The following NELL1 variants were observed in gnomAD, a reference collection of about 807,000 sequenced individuals.
NELL1 encodes protein kinase C-binding protein NELL1.
A neutral mutation model predicts 107.4 loss-of-function variants in NELL1; 76 were observed. The observed-to-expected ratio is 0.71, with a 90% CI of 0.59 to 0.86. NELL1 has a LOEUF of 0.86. Ranked by LOEUF, NELL1 falls within the 40% of genes least tolerant of loss-of-function variation. The pLI is 0.00. For missense variants in NELL1, 1,024 were observed against 1,005.5 expected, an observed-to-expected ratio of 1.02 and a Z score of -0.25; for synonymous variants, 353 against 341.2, an observed-to-expected ratio of 1.03 and a Z score of -0.38.
chr11:21,084,870 T>C (rs1454015340), intron 12 of NELL1, among the ~76,000 whole-genome samples: 2 of 152,144 alleles, frequency 1.3e-5, no homozygotes, highest in Non-Finnish European at 2.9e-5. Flanking sequence ...AGTGTGATAA[T>C]GGTTAAGCGC....
chr11:21,248,716 G>A (rs575995507), intron 14 of NELL1, among the ~76,000 whole-genome samples: 33 of 152,224 alleles, frequency 2.2e-4, no homozygotes, highest in African/African-American at 7.0e-4. Flanking sequence ...GGACCCACCC[G>A]TGCTCGCTTT....
At chr11:21,447,424 C>G (rs1430412064) in intron 15 of NELL1, among the ~76,000 whole-genome samples, 1 of 152,138 alleles carries the variant, frequency 6.6e-6, no homozygotes, top group Non-Finnish European at 1.5e-5. Flanking sequence ...ACTCAAGGCC[C>G]ATAGCATGTA....
At chr11:20,784,924 G>T (rs1590291404) in intron 3 of NELL1, among the ~76,000 whole-genome samples, 1 of 152,302 alleles carries the variant, frequency 6.6e-6, no homozygotes, top group South Asian at 2.1e-4. Context: ...ATAGTAGATT[G>T]GTGTTACAAT....
At chr11:21,312,461 T>G (rs1298629855) in intron 14 of NELL1, among the ~76,000 whole-genome samples, 2 of 152,086 alleles carry the variant, frequency 1.3e-5, no homozygotes, top group Non-Finnish European at 2.9e-5. Context: ...TTTAATAACA[T>G]TGATTAGAAG....
At chr11:21,183,547 C>T (rs192289426) in intron 13 of NELL1, among the ~76,000 whole-genome samples, 1 of 151,918 alleles carries the variant, frequency 6.6e-6, no homozygotes, top group African/African-American at 2.4e-5. Flanking sequence ...TACTCCCCCT[C>T]CCCTGGTGAG....
At chr11:21,285,535 C>T (rs1194907616) in intron 14 of NELL1, among the ~76,000 whole-genome samples, 1 of 152,194 alleles carries the variant, frequency 6.6e-6, no homozygotes, top group African/African-American at 2.4e-5. Flanking sequence ...TTATTTATGA[C>T]CTTTACGTTA....
chr11:21,269,769 C>A (rs1175607419), intron 14 of NELL1, among the ~76,000 whole-genome samples: 1 of 151,950 alleles, frequency 6.6e-6, no homozygotes, highest in Non-Finnish European at 1.5e-5. Context: ...AAAGAATTAG[C>A]AAAATTAAAA....
intron 14 of NELL1, among the ~76,000 whole-genome samples, chr11:21,316,491 A>G (rs1318874754): frequency 6.6e-6 from 1 of 152,136 alleles, no homozygotes; most frequent in Admixed American, 6.6e-5. Flanking sequence ...TTAGTGTCAC[A>G]GTTATGGTGG....
At chr11:21,476,856 G>A (rs1854348557) in intron 15 of NELL1, among the ~76,000 whole-genome samples, 1 of 152,090 alleles carries the variant, frequency 6.6e-6, no homozygotes, top group African/African-American at 2.4e-5. Context: ...TGTCACAGCA[G>A]CAGGCAACAC....
rs1429456817 is a variant in NELL1, at chr11:20,680,629, A to G, written c.184+2569A>G. 3.3e-5 allele frequency among the ~76,000 whole-genome samples: 5 copies of G among 152,142 alleles called. No homozygotes were observed. The East Asian group carries it at 9.6e-4, about 29-fold the overall frequency. Reference sequence around the variant, plus strand: ...AGAAAGGAGTCACTGGTCCCAGACAATTGTGAAATTCAGCAGTGCAAACTC... The same window carrying G: ...AGAAAGGAGTCACTGGTCCCAGACAGTTGTGAAATTCAGCAGTGCAAACTC... On this transcript the variant is annotated intron_variant, in intron 2 of 19. Coordinates refer to ENST00000357134, the MANE Select transcript of NELL1 (RefSeq NM_006157.5).
At position 20,928,354 on chromosome 11, in the gene NELL1, G is replaced by A. The variant is rs757618217; in HGVS notation, c.895-23G>A. On this transcript the variant is annotated intron_variant, in intron 8 of 19. Transcript: ENST00000357134. ...TATCAAAGGATACTTCTGAGATTATGTTCCATGTCCTTCCTTCCTCAGAGT... is the reference window on the plus strand; with the variant it reads ...TATCAAAGGATACTTCTGAGATTATATTCCATGTCCTTCCTTCCTCAGAGT... The A allele has an allele frequency of 5.3e-5, 84 of 1,592,908 alleles. 1 individual carries two copies. In the South Asian group the frequency reaches 8.6e-4, roughly 16 times the overall value.
At chr11:21,569,382 T>C (rs946882512) in intron 17 of NELL1, among the ~76,000 whole-genome samples, 7 of 151,880 alleles carry the variant, frequency 4.6e-5, no homozygotes, top group African/African-American at 1.4e-4. Flanking sequence ...ATTATCAGGA[T>C]TAAATGTGAT....
intron 14 of NELL1, among the ~76,000 whole-genome samples, chr11:21,272,276 G>T (rs974103572): frequency 6.6e-6 from 1 of 152,206 alleles, no homozygotes; most frequent in Non-Finnish European, 1.5e-5. Context: ...GGCTCGGAGG[G>T]CCCTACGCCC....
At chr11:21,538,221 G>T (rs1022475327) in intron 16 of NELL1, among the ~76,000 whole-genome samples, 6 of 152,050 alleles carry the variant, frequency 3.9e-5, no homozygotes, top group African/African-American at 1.4e-4. Context: ...GCTTTTAGAA[G>T]AATAGTCTCA....
intron 14 of NELL1, among the ~76,000 whole-genome samples, chr11:21,285,635 G>T (rs1849098713): frequency 6.6e-6 from 1 of 152,134 alleles, no homozygotes; most frequent in Non-Finnish European, 1.5e-5. Context: ...CTTCCAGCTG[G>T]ACTCAAGAGT....
chr11:20,942,117 A>G lies in NELL1; in HGVS notation c.1071+4258A>G, dbSNP rs562017513. On this transcript the variant is annotated intron_variant, in intron 10 of 19. Transcript: ENST00000357134. ...AGAATGAGGCATTTAGAGACTTTGC[A>G]GAAGCACTCAAGGAGATACTAATAC... Among the ~76,000 whole-genome samples the G allele has an allele frequency of 2.6e-3, 397 of 152,378 alleles. 1 individual carries two copies. The highest frequency in any genetic ancestry group is 4.4e-3 in the Non-Finnish European group (298 of 68,044).
chr11:21,279,204 C>T (rs947063971), intron 14 of NELL1, among the ~76,000 whole-genome samples: 1 of 151,908 alleles, frequency 6.6e-6, no homozygotes, highest in Non-Finnish European at 1.5e-5. Flanking sequence ...TTCTAGGTGA[C>T]CTATAGTATG....
chr11:20,824,572 A>C (rs1475878304), intron 3 of NELL1, among the ~76,000 whole-genome samples: 1 of 151,292 alleles, frequency 6.6e-6, no homozygotes, highest in Non-Finnish European at 1.5e-5. Flanking sequence ...GAATTGTTGA[A>C]TGGCTTTGCC....
At chr11:20,978,813 T>C (rs530867320) in intron 12 of NELL1, among the ~76,000 whole-genome samples, 1 of 152,304 alleles carries the variant, frequency 6.6e-6, no homozygotes, top group Non-Finnish European at 1.5e-5. Flanking sequence ...TCTTTCTTTT[T>C]AGGTTACCCT....
Sources: allele counts gnomAD v4.1 joint callset (sites outside exome capture counted in the v4.1 genomes callset), GRCh38; gene constraint gnomAD v4.1.1; transcripts MANE v1.5; gene names NCBI Gene and HGNC (gene_info 2026-07-23, HGNC 2026-07-21).